Variants in SLC23A1 observed in about 807,000 individuals in gnomAD.
SLC23A1 encodes solute carrier family 23 member 1, also known as Na(+)/L-ascorbic acid transporter 1.
Under a neutral mutation model 62.5 loss-of-function variants are expected in SLC23A1, and 31 were observed. The observed-to-expected ratio is 0.50, with a 90% CI of 0.37 to 0.67. SLC23A1 has a LOEUF of 0.67. SLC23A1 is among the 30% of genes least tolerant of loss of function. SLC23A1 has a pLI of 0.00. For missense variants in SLC23A1, 640 were observed against 782.7 expected (o/e 0.82, Z 2.18); for synonymous variants, 271 against 313.2 (o/e 0.87, Z 1.42).
intron 3 of SLC23A1, 75 bp downstream of exon 3, chr5:139,381,817 G>C: frequency 7.9e-7 from 1 of 1,259,842 alleles, no homozygotes; most frequent in Non-Finnish European, 1.1e-6. Flanking sequence ...TGTCCTCTGG[G>C]AGCCCACCTG....
intron 14 of SLC23A1, chr5:139,369,082 C>T (rs576517902): frequency 7.6e-6 from 2 of 261,560 alleles, no homozygotes; most frequent in Non-Finnish European, 1.4e-5. Context: ...AGACCTAAAC[C>T]TTACCAAATT....
At chr5:139,382,166 G>T in intron 2 of SLC23A1, 117 bp from the exon 3 acceptor site, 4 of 1,018,160 alleles carry the variant, frequency 3.9e-6, no homozygotes, top group Non-Finnish European at 5.8e-6. Context: ...GCCTGCCCAG[G>T]ACTGGCAGTC....
chr5:139,380,088 G>A lies in SLC23A1; in HGVS notation c.648-12C>T. On this transcript the variant is annotated splice_polypyrimidine_tract_variant and intron_variant, in intron 6 of 14. Coordinates refer to ENST00000348729, the MANE Select transcript of SLC23A1 (RefSeq NM_005847.5). ...TCAGGAGAATGGAGCTGGGGGCAGA[G>A]GCACAATCAGGAAGTGGATGGGAGG... The A allele has an allele frequency of 6.2e-7, 1 of 1,602,328 alleles. No homozygotes were observed. Among genetic ancestry groups the A allele is most frequent in the Non-Finnish European group, 8.5e-7 (1 of 1,174,240 alleles).
chr5:139,384,146 A>G (rs1212565778), upstream of SLC23A1, among the ~76,000 whole-genome samples: 2 of 152,254 alleles, frequency 1.3e-5, no homozygotes, highest in Admixed American at 6.5e-5. Context: ...GTGACTGCCC[A>G]TCACCTAGCC....
chr5:139,372,653 C>T (rs981492922), intron 13 of SLC23A1, among the ~76,000 whole-genome samples: 17 of 152,262 alleles, frequency 1.1e-4, no homozygotes, highest in South Asian at 6.2e-4. Flanking sequence ...GGCACGATCT[C>T]GGCTCACTGC....
chr5:139,379,506 C>T lies in SLC23A1; in HGVS notation c.926-152G>A, dbSNP rs1758126687. ...GTTGTGGGAGCTTATTTGAGTCACT[C>T]AGAGCCAGGAAGTGGGACTGAAGCT... On this transcript the variant is annotated intron_variant, in intron 8 of 14. Coordinates refer to ENST00000348729, the MANE Select transcript of SLC23A1 (RefSeq NM_005847.5). This position sits in a 1 kb window ranked among gnomAD's most constrained non-coding sequence, Gnocchi z 4.7. 1 of 1,032,422 alleles carries T rather than the reference C, an allele frequency of 9.7e-7. No homozygotes were observed. Among genetic ancestry groups the T allele is most frequent in the Non-Finnish European group, 1.5e-6 (1 of 674,244 alleles). 64.0% of individuals were successfully genotyped at this position (1,032,422 alleles called of 1,614,324 possible).
At chr5:139,368,830 A>C (rs1757469651) in intron 14 of SLC23A1, 2 of 1,428,448 alleles carry the variant, frequency 1.4e-6, no homozygotes, top group Non-Finnish European at 2.0e-6. Flanking sequence ...TGGATGTAGC[A>C]CAATTTCCAC....
chr5:139,378,096 C>G lies in SLC23A1; in HGVS notation c.1332G>C (p.Leu444=), dbSNP rs1561976515. 1 of 1,614,094 alleles carries G rather than the reference C, an allele frequency of 6.2e-7. No homozygotes were observed. The highest frequency in any genetic ancestry group is 1.3e-5 in the African/African-American group (1 of 74,952). Residue 444 remains leucine (L), a synonymous_variant, in exon 12 of 15, where the codon CTG becomes CTC. Coordinates refer to ENST00000348729, the MANE Select transcript of SLC23A1 (RefSeq NM_005847.5). The surrounding 1 kb of genome is among the most constrained non-coding windows in gnomAD (Gnocchi z 4.5). ...TCATGTCCACAAATTGCAGGTTGGA[C>G]AGCCCCACAGCTGTAATCATGCCTA... ...TLFGMITAVG[L]SNLQFVDMNS...
At chr5:139,381,114 C>G (rs528738522) in intron 3 of SLC23A1, among the ~76,000 whole-genome samples, 1 of 152,234 alleles carries the variant, frequency 6.6e-6, no homozygotes, top group Non-Finnish European at 1.5e-5. Context: ...CCCTTCCCAC[C>G]ACCAGCTCCT....
chr5:139,385,309 G>A (rs1758472706), upstream of SLC23A1, among the ~76,000 whole-genome samples: 1 of 152,198 alleles, frequency 6.6e-6, no homozygotes, highest in African/African-American at 2.4e-5. Flanking sequence ...ACCTAGGTGG[G>A]GTCCAGGGCT....
Position 139,378,762 on chromosome 5 carries a change from C to G in SLC23A1, c.1074-78G>C. On this transcript the variant is annotated intron_variant, in intron 9 of 14. Coordinates refer to ENST00000348729, the MANE Select transcript of SLC23A1 (RefSeq NM_005847.5). This position sits in a 1 kb window ranked among gnomAD's most constrained non-coding sequence, Gnocchi z 4.5. ...TTCCCCCATCATCTTAGCAAGCTGC[C>G]GTCCTCTGGGGCTGTGGGGGCTGCA... 4.5e-6 allele frequency: 5 copies of G among 1,109,118 alleles called. No individual in the cohort carries two copies. The highest frequency in any genetic ancestry group is 6.7e-6 in the Non-Finnish European group (5 of 744,864). The allele number at this position is 1,109,118 out of a possible 1,614,324, so 68.7% of individuals were successfully genotyped here.
At position 139,379,832 on chromosome 5, in the gene SLC23A1, G is replaced by C; in HGVS notation, c.771C>G (p.Ile257Met). 6.2e-7 allele frequency: 1 copy of C among 1,614,158 alleles called. No homozygotes were observed. Among genetic ancestry groups the C allele is most frequent in the Non-Finnish European group, 8.5e-7 (1 of 1,180,006 alleles). The change falls in exon 8 of 15, where the codon ATC becomes ATG. Residue 257 changes from isoleucine (I) to methionine (M), a missense_variant and splice_region_variant. By Grantham distance (10) the Ile-to-Met change is conservative. Transcript: ENST00000348729. The surrounding 1 kb of genome is among the most constrained non-coding windows in gnomAD (Gnocchi z 4.7). ...LRIQIFKMFP[I>M]MLAIMTVWLL... Reference sequence around the variant, plus strand: ...GCCACACGGTCATGATGGCCAGCATGATCTGAAGGAGGGGGGTGAGGGGGC... The same window carrying C: ...GCCACACGGTCATGATGGCCAGCATCATCTGAAGGAGGGGGGTGAGGGGGC...
Position 139,378,744 on chromosome 5 carries a change from A to G in SLC23A1, c.1074-60T>C. On this transcript the variant is annotated intron_variant, in intron 9 of 14. Coordinates refer to ENST00000348729, the MANE Select transcript of SLC23A1 (RefSeq NM_005847.5). This position sits in a 1 kb window ranked among gnomAD's most constrained non-coding sequence, Gnocchi z 4.5. ...CCTCTGCACCAGTCTGTGTTCCCCC[A>G]TCATCTTAGCAAGCTGCCGTCCTCT... is the stretch of plus-strand genomic sequence containing the variant. 7.8e-7 allele frequency: 1 copy of G among 1,288,042 alleles called. No individual in the cohort carries two copies. The highest frequency in any genetic ancestry group is 1.3e-5 in the South Asian group (1 of 79,158). 79.8% of individuals were successfully genotyped at this position (1,288,042 alleles called of 1,614,324 possible).
rs1454125085 is a variant in SLC23A1, at chr5:139,382,571, G to A, written c.71C>T (p.Pro24Leu). 2 of 1,613,464 alleles carry A rather than the reference G, an allele frequency of 1.2e-6. No individual in the cohort carries two copies. Among genetic ancestry groups the A allele is most frequent in the African/African-American group, 2.7e-5 (2 of 75,020 alleles). Residue 24 changes from proline (P) to leucine (L), a missense_variant, in exon 2 of 15, where the codon CCC (proline) becomes CTC (leucine). Transcript: ENST00000348729. ...ETTRDPSTPL[P>L]TEPKFDMLYK... ...CAACATGTCAAACTTAGGCTCTGTG[G>A]GTAGCGGGGTCGAGGGGTCCCTGGT...
chr5:139,383,559 C>T (rs1161168881), upstream of SLC23A1, among the ~76,000 whole-genome samples: 1 of 152,174 alleles, frequency 6.6e-6, no homozygotes, highest in Non-Finnish European at 1.5e-5. Context: ...CAGAAGTTTA[C>T]CAAGCCCCAG....
chr5:139,379,561 C>T lies in SLC23A1; in HGVS notation c.925+117G>A, dbSNP rs771212199. The T allele has an allele frequency of 4.2e-5, 47 of 1,126,410 alleles. No individual in the cohort carries two copies. The highest frequency in any genetic ancestry group is 1.0e-4 in the East Asian group (4 of 39,062). The allele number at this position is 1,126,410 out of a possible 1,614,324, so 69.8% of individuals were successfully genotyped here. A position where few individuals can be genotyped will look rare whatever the true frequency, so the allele number is the denominator to read the frequency against. On this transcript the variant is annotated intron_variant, in intron 8 of 14. Transcript: ENST00000348729. The surrounding 1 kb of genome is among the most constrained non-coding windows in gnomAD (Gnocchi z 4.7). ...CTAAGTAAAACACCACTCTGCTGGG[C>T]GCACTATAAATGTGCGGCTAATGCT...
rs757120447 is a variant in SLC23A1, at chr5:139,372,073, T to A, written c.1730A>T (p.Asp577Val). The change falls in exon 14 of 15, where the codon GAT (aspartate) becomes GTT (valine). Residue 577 changes from aspartate to valine, a missense_variant. By Grantham distance (152) the Asp-to-Val change is radical. Coordinates refer to ENST00000348729, the MANE Select transcript of SLC23A1 (RefSeq NM_005847.5). ...AGTGTCTTCTGGAATTGCAATCTGA[T>A]CTTTTGAACTTGAAGAAAATCCTTT... ...VFKGFSSSSK[D>V]QIAIPEDTPE... 6.2e-7 allele frequency: 1 copy of A among 1,613,028 alleles called. No homozygotes were observed. The highest frequency in any genetic ancestry group is 1.1e-5 in the South Asian group (1 of 91,066).
chr5:139,370,477 T>C (rs1581344850), intron 14 of SLC23A1, among the ~76,000 whole-genome samples: 1 of 117,832 alleles, frequency 8.5e-6, no homozygotes. Context: ...AGCCTTTATT[T>C]ATTTATTTAT....
Position 139,378,684 on chromosome 5 carries a change from C to T in SLC23A1, c.1074G>A (p.Arg358=). The change falls in exon 10 of 15, where the codon AGG becomes AGA. Residue 358 remains arginine (R), a splice_region_variant and synonymous_variant. Transcript: ENST00000348729. The surrounding 1 kb of genome is among the most constrained non-coding windows in gnomAD (Gnocchi z 4.5). ...AGCAAATGCCTTCGGTGAAGATGCC[C>T]CTGTAAGGAAAGGGAGAGTCGGGGC... ...APPPPVHAIN[R]GIFTEGICCI... 1 of 1,603,788 alleles carries T rather than the reference C, an allele frequency of 6.2e-7. No homozygotes were observed. Among genetic ancestry groups the T allele is most frequent in the Non-Finnish European group, 8.5e-7 (1 of 1,174,776 alleles).
Sources: allele counts gnomAD v4.1 joint callset (sites outside exome capture counted in the v4.1 genomes callset), GRCh38; gene constraint gnomAD v4.1.1; non-coding constraint Gnocchi (gnomAD v3.1); transcripts MANE v1.5; gene names NCBI Gene and HGNC (gene_info 2026-07-23, HGNC 2026-07-21).